Variants in SLC8A1 observed in about 807,000 individuals in gnomAD.
SLC8A1 encodes the protein solute carrier family 8 member A1.
Under a neutral mutation model 68.3 loss-of-function variants are expected in SLC8A1, and 18 were observed. The ratio of observed to expected loss-of-function variants is 0.26; its 90% CI spans 0.18 to 0.39. The LOEUF (loss-of-function observed/expected upper bound fraction) is 0.39, where lower values mean the gene tolerates loss of function less well. Among genes scored for constraint, SLC8A1 ranks in the 10% least tolerant of loss-of-function variants. The probability of loss-of-function intolerance (pLI) is 1.00; values close to 1 mark genes in which losing one functional copy is unlikely to be tolerated. For missense variants in SLC8A1, 985 were observed against 1,156.7 expected (o/e 0.85, Z 2.15); for synonymous variants, 475 against 415.5 (o/e 1.14, Z -1.74).
intron 7 of SLC8A1, among the ~76,000 whole-genome samples, chr2:40,137,141 T>G (rs940039902): frequency 6.6e-6 from 1 of 152,140 alleles, no homozygotes; most frequent in African/African-American, 2.4e-5. Flanking sequence ...ATAATTCATA[T>G]TATAGGGAAA....
At chr2:40,324,738 CTTAAGT>C (rs765614737) in intron 2 of SLC8A1, among the ~76,000 whole-genome samples, 1 of 152,048 alleles carries the variant, frequency 6.6e-6, no homozygotes, top group African/African-American at 2.4e-5. Context: ...TGTCTCAAAT[CTTAAGT>C]TTATCAGGAA....
At chr2:40,125,173 T>A (rs759444) in intron 7 of SLC8A1, among the ~76,000 whole-genome samples, 24,708 of 152,244 alleles carry the variant, frequency 0.16, 2,057 homozygotes, top group Admixed American at 0.21. Flanking sequence ...ATTTCAGCTT[T>A]TTCCTGGTCC....
At chr2:40,503,560 A>G (rs1706181639) in intron 1 of SLC8A1, among the ~76,000 whole-genome samples, 1 of 152,088 alleles carries the variant, frequency 6.6e-6, no homozygotes, top group African/African-American at 2.4e-5. Context: ...GGAAAAACCA[A>G]AAGACTCCAC....
exon 8 of SLC8A1, chr2:40,114,831 A>C (rs938412112): frequency 2.6e-5 from 4 of 152,568 alleles, no homozygotes; most frequent in Non-Finnish European, 4.4e-5. Flanking sequence ...AAACCCATTT[A>C]CATTTGGATG....
chr2:40,160,630 CAAAT>C, intron 6 of SLC8A1, 131 bp downstream of exon 9: 1 of 726,044 alleles, frequency 1.4e-6, no homozygotes, highest in Non-Finnish European at 2.4e-6. Context: ...CATACATTAA[CAAAT>C]AAACTTATTT....
rs149728187 is a variant in SLC8A1 at position 40,284,982 on chromosome 2, G to T, written c.1809-107127C>A. 1.7e-3 allele frequency among the ~76,000 whole-genome samples: 257 copies of T among 152,190 alleles called. 1 individual carries two copies. Among genetic ancestry groups the T allele is most frequent in the African/African-American group, 5.6e-3 (232 of 41,530 alleles). The stretch of plus-strand genomic sequence containing the variant: ...CTAGTTTTATAACCAGAGAATGTCA[G>T]AGTCAATAACATGATTATAAGCCTT... On this transcript the variant is annotated intron_variant, in intron 2 of 7. Transcript: ENST00000406785.
chr2:40,128,293 C>CA (rs1490587245), intron 7 of SLC8A1, among the ~76,000 whole-genome samples: 1 of 152,206 alleles, frequency 6.6e-6, no homozygotes, highest in African/African-American at 2.4e-5. Flanking sequence ...CCAGACATGG[C>CA]AATGAAGTTT....
At chr2:40,424,165 T>A (rs1375491981) in intron 2 of SLC8A1, among the ~76,000 whole-genome samples, 1 of 151,930 alleles carries the variant, frequency 6.6e-6, no homozygotes, top group Non-Finnish European at 1.5e-5. Flanking sequence ...CTTTCTTGTC[T>A]TGTGATATTT....
At chr2:40,117,564 CA>C (rs1204933800) in intron 7 of SLC8A1, among the ~76,000 whole-genome samples, 2,916 of 98,490 alleles carry the variant, frequency 0.03, 54 homozygotes, top group African/African-American at 0.075. Flanking sequence ...GACTCCATCT[CA>C]AAAAAAAAAA....
chr2:40,481,072 G>T lies in SLC8A1; in HGVS notation c.-25+31277C>A, dbSNP rs575351146. Among the ~76,000 whole-genome samples the T allele has an allele frequency of 5.9e-5, 9 of 152,266 alleles. No homozygotes were observed. In the South Asian group the frequency reaches 1.9e-3, roughly 32 times the overall value. ...TGTATGGAAAAACAGGGCATCAGTC[G>T]CAAAGTCATTTTACAAAAGAAAGCA... On this transcript the variant is annotated intron_variant, in intron 1 of 7. Coordinates refer to the SLC8A1 transcript ENST00000402441.
intron 1 of SLC8A1, among the ~76,000 whole-genome samples, chr2:40,450,352 G>A (rs899830935): frequency 8.6e-5 from 5 of 57,820 alleles, no homozygotes; most frequent in African/African-American, 1.9e-4. Flanking sequence ...AAGCATGTGA[G>A]TGTGTGTGTG....
At chr2:40,325,775 TA>T (rs1458143079) in intron 2 of SLC8A1, among the ~76,000 whole-genome samples, 848 of 6,372 alleles carry the variant, frequency 0.13, 6 homozygotes, top group African/African-American at 0.32. Context: ...CTACTAAAAA[TA>T]CAAAAAAAAA....
intron 2 of SLC8A1, among the ~76,000 whole-genome samples, chr2:40,367,101 A>C (rs1676469048): frequency 2.0e-5 from 3 of 152,016 alleles, no homozygotes; most frequent in Admixed American, 6.6e-5. Context: ...CCAAAGAGTC[A>C]TAAGATCTTC....
At chr2:40,129,663 T>G (rs1036486775) in intron 7 of SLC8A1, among the ~76,000 whole-genome samples, 3 of 152,170 alleles carry the variant, frequency 2.0e-5, no homozygotes, top group Admixed American at 1.3e-4. Context: ...CCCTTTGCAA[T>G]ACACCCTGAG....
chr2:40,494,640 AATATATATATATATATATAT>A (rs34595267), intron 1 of SLC8A1, among the ~76,000 whole-genome samples: 1,245 of 92,670 alleles, frequency 0.013, 42 homozygotes, highest in Middle Eastern at 0.031. Context: ...CTTAAAGTAT[AATATATATATATATATATAT>A]ATATATATAT....
chr2:40,174,512 T>A (rs2048119450), intron 4 of SLC8A1, among the ~76,000 whole-genome samples, 194 bp downstream of exon 6: 1 of 152,102 alleles, frequency 6.6e-6, no homozygotes, highest in Non-Finnish European at 1.5e-5. Context: ...ACAGTTACAG[T>A]TTTTCCATAT....
rs201240475 is a variant in SLC8A1 at position 40,379,108 on chromosome 2, T to G, written c.1808+49365A>C. Among the ~76,000 whole-genome samples the G allele has an allele frequency of 1.4e-4, 22 of 152,254 alleles. No individual in the cohort carries two copies. The East Asian group carries it at 4.3e-3, about 30-fold the overall frequency. On this transcript the variant is annotated intron_variant, in intron 2 of 7. Coordinates refer to ENST00000406785, the Ensembl canonical transcript of SLC8A1. ...ATAATAGATGCCATTTTAATAATTT[T>G]TTAGTGAATAAATGCAAATACCTAA...
chr2:40,295,685 T>C (rs1350724782), intron 2 of SLC8A1, among the ~76,000 whole-genome samples: 1 of 152,198 alleles, frequency 6.6e-6, no homozygotes, highest in Non-Finnish European at 1.5e-5. Context: ...CATGAAGTAT[T>C]GACGCTGGAT....
chr2:40,424,443 T>C (rs1214131535), intron 2 of SLC8A1, among the ~76,000 whole-genome samples: 1 of 151,800 alleles, frequency 6.6e-6, no homozygotes, highest in Non-Finnish European at 1.5e-5. Context: ...AATAATTCCA[T>C]AGAACCCATA....
Sources: allele counts gnomAD v4.1 joint callset (sites outside exome capture counted in the v4.1 genomes callset), GRCh38; gene constraint gnomAD v4.1.1; transcripts MANE v1.5; gene names NCBI Gene and HGNC (gene_info 2026-07-23, HGNC 2026-07-21).